Variants in TRABD2A observed in about 807,000 individuals in gnomAD.
TRABD2A encodes TraB domain containing 2A, also known as metalloprotease TIKI1.
Under a neutral mutation model 45.6 loss-of-function variants are expected in TRABD2A, and 43 were observed. That is an observed-to-expected ratio of 0.94 (90% confidence interval 0.74 to 1.22). The LOEUF (loss-of-function observed/expected upper bound fraction) is 1.22. TRABD2A is among the 50% of genes most tolerant of loss of function. The pLI is 0.00. For synonymous variants in TRABD2A, 269 were observed against 265.0 expected, an observed-to-expected ratio of 1.02 and a Z score of -0.15; for missense variants, 642 against 652.4, an observed-to-expected ratio of 0.98 and a Z score of 0.17.
intron 2 of TRABD2A, among the ~76,000 whole-genome samples, chr2:84,869,918 G>T (rs1682815924): frequency 6.8e-6 from 1 of 147,198 alleles, no homozygotes; most frequent in Admixed American, 6.9e-5. Context: ...GGCAGAGGTT[G>T]CAGTGAACTG....
rs558846654 is a variant in TRABD2A at position 84,847,589 on chromosome 2, C to T, written c.670-5582G>A. Among the ~76,000 whole-genome samples the T allele has an allele frequency of 2.4e-4, 36 of 152,284 alleles. 1 individual carries two copies. In the South Asian group the frequency reaches 6.2e-3, roughly 26 times the overall value. ...AGTATGCTCAGCCAGGAGCTGGGGA[C>T]AGTGGCCAGGAGGGGAGAAAGGCAA... On this transcript the variant is annotated intron_variant, in intron 2 of 6. Coordinates refer to ENST00000409520, the MANE Select transcript of TRABD2A (RefSeq NM_001277053.2).
intron 5 of TRABD2A, among the ~76,000 whole-genome samples, chr2:84,828,848 C>G (rs1179679443): frequency 2.0e-5 from 3 of 152,148 alleles, no homozygotes; most frequent in African/African-American, 7.2e-5. Flanking sequence ...TGGGGTCATG[C>G]ACAGGATGAA....
chr2:84,876,698 A>C (rs767690162), intron 1 of TRABD2A, among the ~76,000 whole-genome samples: 1 of 152,210 alleles, frequency 6.6e-6, no homozygotes, highest in African/African-American at 2.4e-5. Context: ...CCTCTGATTC[A>C]GAGTCATATC....
chr2:84,844,281 TC>T (rs959117931), intron 2 of TRABD2A, among the ~76,000 whole-genome samples: 2 of 152,178 alleles, frequency 1.3e-5, no homozygotes, highest in African/African-American at 4.8e-5. Flanking sequence ...GGTAGGTCTT[TC>T]CCATGCCGTT....
chr2:84,859,076 C>T (rs1275220245), intron 2 of TRABD2A, among the ~76,000 whole-genome samples: 2 of 152,222 alleles, frequency 1.3e-5, no homozygotes, highest in African/African-American at 2.4e-5. Flanking sequence ...CTACTGCCCT[C>T]GGGGTGTGTT....
At chr2:84,831,093 G>A (rs189462399) in intron 5 of TRABD2A, among the ~76,000 whole-genome samples, 1 of 152,226 alleles carries the variant, frequency 6.6e-6, no homozygotes, top group Admixed American at 6.5e-5. Context: ...GTGACCATTT[G>A]GAGTTAGGGC....
chr2:84,860,639 C>T (rs1038219106), intron 2 of TRABD2A, among the ~76,000 whole-genome samples: 4 of 152,236 alleles, frequency 2.6e-5, no homozygotes, highest in African/African-American at 9.6e-5. Flanking sequence ...TACATCATCT[C>T]CTAGGGAGAG....
intron 2 of TRABD2A, among the ~76,000 whole-genome samples, chr2:84,846,620 C>T (rs554815923): frequency 6.6e-6 from 1 of 152,306 alleles, no homozygotes; most frequent in East Asian, 1.9e-4. Context: ...AGGAAGGCTC[C>T]ATGATGAGCC....
At chr2:84,822,326 A>C (rs1053526141) in intron 6 of TRABD2A, among the ~76,000 whole-genome samples, 5 of 152,256 alleles carry the variant, frequency 3.3e-5, no homozygotes, top group Non-Finnish European at 7.3e-5. Context: ...CAGACTGGCT[A>C]ACTGTCCCTG....
chr2:84,868,256 A>G (rs139024773), intron 2 of TRABD2A, among the ~76,000 whole-genome samples: 21,052 of 152,178 alleles, frequency 0.14, 1,877 homozygotes, highest in African/African-American at 0.26. Flanking sequence ...CTATGCAGCC[A>G]TAAAAAAGGA....
chr2:84,873,903 G>A (rs1682947999), intron 1 of TRABD2A, among the ~76,000 whole-genome samples: 1 of 152,188 alleles, frequency 6.6e-6, no homozygotes, highest in Admixed American at 6.5e-5. Flanking sequence ...GTTTCCAACT[G>A]GGAGACACAG....
chr2:84,881,055 T>C lies in TRABD2A; in HGVS notation c.-16A>G, dbSNP rs778273889. 1.3e-5 allele frequency: 20 copies of C among 1,582,170 alleles called. No homozygotes were observed. The East Asian group carries it at 3.7e-4, about 29-fold the overall frequency. On this transcript the variant is annotated 5_prime_UTR_variant, in exon 1 of 7. Transcript: ENST00000409520. ...AGGGACTCATCCTCCTCAAGGCGGC[T>C]CCGAGGCCCGGAACGCGGAGGGAAG...
At chr2:84,850,178 T>C (rs1377587817) in intron 2 of TRABD2A, among the ~76,000 whole-genome samples, 2 of 152,072 alleles carry the variant, frequency 1.3e-5, no homozygotes, top group Non-Finnish European at 2.9e-5. Context: ...CTGTCAATCT[T>C]TCAACAGCAC....
At chr2:84,871,485 CTT>C (rs556910847) in intron 1 of TRABD2A, among the ~76,000 whole-genome samples, 13 of 146,378 alleles carry the variant, frequency 8.9e-5, no homozygotes, top group Admixed American at 2.7e-4. Context: ...AGAAATGCTA[CTT>C]TTTTTTTTTT....
chr2:84,877,369 A>G (rs1220587786), intron 1 of TRABD2A, among the ~76,000 whole-genome samples: 2 of 152,136 alleles, frequency 1.3e-5, no homozygotes, highest in Non-Finnish European at 2.9e-5. Context: ...ATAGATTTTA[A>G]CATTAGGGTG....
chr2:84,874,691 G>T, intron 1 of TRABD2A: 1 of 188,198 alleles, frequency 5.3e-6, no homozygotes. Flanking sequence ...CATCTGTGCT[G>T]GCCACCAAGA....
chr2:84,844,895 C>G (rs757168533), intron 2 of TRABD2A, among the ~76,000 whole-genome samples: 2 of 152,222 alleles, frequency 1.3e-5, no homozygotes, highest in African/African-American at 4.8e-5. Flanking sequence ...GCCCAGGTTA[C>G]CTGGTGCTTA....
At chr2:84,828,329 C>T (rs1681208452) in intron 5 of TRABD2A, among the ~76,000 whole-genome samples, 1 of 152,202 alleles carries the variant, frequency 6.6e-6, no homozygotes, top group African/African-American at 2.4e-5. Flanking sequence ...GCTAAATCAC[C>T]ACTTAACAGC....
chr2:84,860,549 T>C (rs1375357280), intron 2 of TRABD2A, among the ~76,000 whole-genome samples: 1 of 152,182 alleles, frequency 6.6e-6, no homozygotes, highest in African/African-American at 2.4e-5. Context: ...AGCCACCCGG[T>C]TGGTGGTACT....
Sources: gnomAD v4.1 joint callset for allele counts (sites outside exome capture counted in the v4.1 genomes callset) on GRCh38, gnomAD v4.1.1 for gene constraint, MANE v1.5 for transcripts, NCBI Gene and HGNC (gene_info 2026-07-23, HGNC 2026-07-21) for gene names.